The following FILIP1 variants were observed in gnomAD, a reference collection of about 807,000 sequenced individuals.
The protein encoded by FILIP1 is filamin A interacting protein 1.
In FILIP1, 61 loss-of-function variants were observed where a neutral mutation model predicts 102.1. That is an observed-to-expected ratio of 0.60 (90% CI 0.49 to 0.74). The LOEUF is 0.74. Ranked by LOEUF, FILIP1 falls within the 30% of genes least tolerant of loss-of-function variation. FILIP1 has a pLI of 0.00. For missense variants in FILIP1, 1,314 were observed against 1,441.2 expected (o/e 0.91, Z 1.43); for synonymous variants, 491 against 526.9 (o/e 0.93, Z 0.93).
At chr6:75,428,184 C>A (rs1439500941) in intron 1 of FILIP1, among the ~76,000 whole-genome samples, 2 of 152,106 alleles carry the variant, frequency 1.3e-5, no homozygotes, top group African/African-American at 4.8e-5. Flanking sequence ...GAGTCTCAGT[C>A]CAATATTACT....
In FILIP1 at chr6:75,315,034, C is replaced by G. The variant is rs1024876373; in HGVS notation, c.798G>C (p.Gln266His). 2.5e-6 allele frequency: 4 copies of G among 1,613,978 alleles called. No homozygotes were observed. The highest frequency in any genetic ancestry group is 3.3e-5 in the Admixed American group (2 of 59,992). The change falls in exon 5 of 6, where the codon CAG (glutamine) becomes CAC (histidine). Residue 266 changes from glutamine to histidine, a missense_variant. By Grantham distance (24) the Gln-to-His change is conservative (BLOSUM62 0). This residue lies in a region of FILIP1 where 494 missense variants were observed against 511.2 expected (regional missense o/e 0.97). Transcript: ENST00000237172. ...MHIEQLGLQS[Q>H]KVQDLTQKLR... ...GCTTCTGAGTAAGATCCTGTACTTT[C>G]TGGCTTTGCAGGCCAAGTTGTTCAA... is the stretch of plus-strand genomic sequence containing the variant.
rs764647058 is a variant in FILIP1 at position 75,314,351 on chromosome 6, A to C, written c.1481T>G (p.Leu494Arg). 6.6e-7 allele frequency: 1 copy of C among 1,519,644 alleles called. No individual in the cohort carries two copies. Among genetic ancestry groups the C allele is most frequent in the East Asian group, 2.3e-5 (1 of 43,326 alleles). The allele number at this position is 1,519,644 out of a possible 1,614,324, so 94.1% of individuals were successfully genotyped here. Residue 494 changes from leucine (L) to arginine (R), a missense_variant, in exon 5 of 6, where the codon CTA becomes CGA. By Grantham distance (102) the Leu-to-Arg change is moderately radical (BLOSUM62 -2). Transcript: ENST00000237172. The part of the protein sequence containing the change: ...ESRLEKAELS[L>R]KDDLTKLKSF... ...CTTCAACTTGGTAAGATCATCTTTT[A>C]GGCTTAATTCAGCCTTTTCCAATCT... is the stretch of plus-strand genomic sequence containing the variant.
At chr6:75,493,345 G>T (rs1009489217) in intron 1 of FILIP1, 69 bp downstream of exon 1, 2 of 152,212 alleles carry the variant, frequency 1.3e-5, no homozygotes, top group African/African-American at 4.8e-5. Flanking sequence ...AACAGAATGG[G>T]AGAGAACTCT....
chr6:75,420,920 T>G (rs548433861), intron 1 of FILIP1, among the ~76,000 whole-genome samples: 1 of 152,200 alleles, frequency 6.6e-6, no homozygotes, highest in Non-Finnish European at 1.5e-5. Flanking sequence ...TTTGAATTTA[T>G]AACATTTTAC....
intron 1 of FILIP1, among the ~76,000 whole-genome samples, chr6:75,427,927 T>G (rs144063523): frequency 2.6e-5 from 4 of 152,292 alleles, no homozygotes; most frequent in African/African-American, 9.6e-5. Context: ...TCTTTGTTTG[T>G]TAACACTAGA....
In FILIP1 at chr6:75,370,813, G is replaced by A. The variant is rs539096778; in HGVS notation, c.277-7896C>T. Reference sequence around the variant, plus strand: ...GCTGGTCTCGAACTCCTGACCTCAAGCAATCTGCCCACCTCAGCCCCCCAA... The same window carrying A: ...GCTGGTCTCGAACTCCTGACCTCAAACAATCTGCCCACCTCAGCCCCCCAA... On this transcript the variant is annotated intron_variant, in intron 2 of 5. Transcript: ENST00000237172. Among the ~76,000 whole-genome samples the A allele has an allele frequency of 1.9e-4, 29 of 152,046 alleles. 1 individual carries two copies. In the South Asian group the frequency reaches 5.2e-3, roughly 27 times the overall value.
At position 75,314,470 on chromosome 6, in the gene FILIP1, T is replaced by C; in HGVS notation, c.1362A>G (p.Leu454=). 1.3e-6 allele frequency: 2 copies of C among 1,593,600 alleles called. No individual in the cohort carries two copies. ...TTAAGTTCTTTTCTTTCTCCAGATT[T>C]AAATGTAGCTGGGTGCACTCAGATT... ...KSKSECTQLH[L]NLEKEKNLTK... The change falls in exon 5 of 6, where the codon TTA becomes TTG. Residue 454 remains leucine, a synonymous_variant. Transcript: ENST00000237172.
chr6:75,490,752 A>G (rs1779933397), intron 1 of FILIP1, among the ~76,000 whole-genome samples: 2 of 151,992 alleles, frequency 1.3e-5, no homozygotes, highest in South Asian at 4.1e-4. Flanking sequence ...CATTTCCACA[A>G]TTGGGTACAT....
rs776775981 is a variant in FILIP1, at chr6:75,414,906, T to C, written c.67A>G (p.Ile23Val). Reference protein sequence around the residue: ...DGHISCPKPSIIGNAGEKSLS... With the variant: ...DGHISCPKPSVIGNAGEKSLS... ...CTTTTTTCACCAGCATTGCCGATGATGGAGGGCTTGGGACAGGAGATATGC... is the reference window on the plus strand; with the variant it reads ...CTTTTTTCACCAGCATTGCCGATGACGGAGGGCTTGGGACAGGAGATATGC... The change falls in exon 2 of 6, where the codon ATC (isoleucine) becomes GTC (valine). Residue 23 changes from isoleucine to valine, a missense_variant. Ile to Val is a conservative substitution (Grantham distance 29). Coordinates refer to ENST00000237172, the MANE Select transcript of FILIP1 (RefSeq NM_015687.5). 6.2e-7 allele frequency: 1 copy of C among 1,613,966 alleles called. No homozygotes were observed.
chr6:75,371,620 C>T (rs906794597), intron 2 of FILIP1, among the ~76,000 whole-genome samples: 163 of 152,218 alleles, frequency 1.1e-3, no homozygotes, highest in African/African-American at 3.7e-3. Context: ...GTCATAAAGA[C>T]AGACATACGA....
At position 75,414,376 on chromosome 6, in the gene FILIP1, C is replaced by T. The variant is rs116991508; in HGVS notation, c.276+321G>A. 8.5e-5 allele frequency among the ~76,000 whole-genome samples: 13 copies of T among 152,132 alleles called. No homozygotes were observed. The East Asian group carries it at 1.7e-3, about 20-fold the overall frequency. On this transcript the variant is annotated intron_variant, in intron 2 of 5. Transcript: ENST00000237172. ...CATTTCTACATTTTTCAGTCACAGT[C>T]AATGTCTAAATTAGATAACCTAATT...
At chr6:75,377,935 G>A (rs2149636539) in intron 2 of FILIP1, among the ~76,000 whole-genome samples, 1 of 152,300 alleles carries the variant, frequency 6.6e-6, no homozygotes, top group South Asian at 2.1e-4. Context: ...GTGAACAACA[G>A]TTGATCCTCA....
chr6:75,375,204 A>G (rs546717546), intron 2 of FILIP1, among the ~76,000 whole-genome samples: 2 of 152,378 alleles, frequency 1.3e-5, no homozygotes, highest in African/African-American at 4.8e-5. Context: ...AGACCCAAGT[A>G]AGAACTAGAG....
intron 1 of FILIP1, among the ~76,000 whole-genome samples, chr6:75,440,890 A>C (rs1178927999): frequency 1.3e-5 from 2 of 150,744 alleles, no homozygotes; most frequent in African/African-American, 4.9e-5. Flanking sequence ...TGGAGGTTGC[A>C]GTGAGCCGAG....
chr6:75,311,128 C>T (rs919000625), intron 5 of FILIP1, among the ~76,000 whole-genome samples: 1 of 151,988 alleles, frequency 6.6e-6, no homozygotes, highest in Admixed American at 6.6e-5. Context: ...AATTTGCCAC[C>T]AATAAATGAA....
intron 4 of FILIP1, among the ~76,000 whole-genome samples, chr6:75,326,787 G>C (rs1008401405): frequency 2.0e-5 from 3 of 152,156 alleles, no homozygotes; most frequent in Admixed American, 2.0e-4. Context: ...TGCTCAAATG[G>C]ATATTGCCTG....
chr6:75,330,300 T>G (rs1774030133), intron 4 of FILIP1, among the ~76,000 whole-genome samples: 1 of 152,182 alleles, frequency 6.6e-6, no homozygotes, highest in Non-Finnish European at 1.5e-5. Flanking sequence ...TATAAAGAGA[T>G]AAATGGTGAA....
chr6:75,411,341 C>A (rs1291795881), intron 2 of FILIP1, among the ~76,000 whole-genome samples: 2 of 152,092 alleles, frequency 1.3e-5, no homozygotes, highest in South Asian at 2.1e-4. Context: ...GGATAGATTG[C>A]AAAAATTTTC....
intron 4 of FILIP1, chr6:75,319,325 G>A (rs1773557745): frequency 1.5e-6 from 1 of 649,410 alleles, no homozygotes; most frequent in African/African-American, 1.8e-5. Context: ...GTTCTTCTTT[G>A]ATTTTTGGGC....
Sources: allele counts gnomAD v4.1 joint callset (sites outside exome capture counted in the v4.1 genomes callset), GRCh38; gene constraint gnomAD v4.1.1; regional missense constraint gnomAD v4.1.1; transcripts MANE v1.5; gene names NCBI Gene and HGNC (gene_info 2026-07-23, HGNC 2026-07-21).